The following SLC25A25 variants were observed in gnomAD, a reference collection of about 807,000 sequenced individuals.
SLC25A25 encodes the protein mitochondrial adenyl nucleotide antiporter SLC25A25.
A neutral mutation model predicts 57.7 loss-of-function variants in SLC25A25; 32 were observed. That is an observed-to-expected ratio of 0.55 (90% CI 0.42 to 0.74). The LOEUF (loss-of-function observed/expected upper bound fraction) is 0.74, where lower values mean the gene tolerates loss of function less well. Ranked by LOEUF, SLC25A25 falls within the 30% of genes least tolerant of loss-of-function variation. The pLI is 0.00. For missense variants in SLC25A25, 556 were observed against 701.3 expected, an observed-to-expected ratio of 0.79 and a Z score of 2.34; for synonymous variants, 306 against 291.2, an observed-to-expected ratio of 1.05 and a Z score of -0.52.
chr9:128,106,774 C>T (rs1188671674), intron 9 of SLC25A25, among the ~76,000 whole-genome samples: 1 of 152,176 alleles, frequency 6.6e-6, no homozygotes, highest in Non-Finnish European at 1.5e-5. Context: ...GGGTGGCCCC[C>T]AGGAGCTCAC....
intron 1 of SLC25A25, among the ~76,000 whole-genome samples, chr9:128,081,003 A>T (rs6478813): frequency 0.74 from 113,028 of 152,094 alleles, 43,813 homozygotes; most frequent in Non-Finnish European, 0.85. Context: ...TTCATTCACG[A>T]CTTGGGTGTA....
At chr9:128,079,792 A>C (rs991510778) in intron 1 of SLC25A25, among the ~76,000 whole-genome samples, 10 of 151,436 alleles carry the variant, frequency 6.6e-5, no homozygotes, top group Non-Finnish European at 1.3e-4. Flanking sequence ...AGAGATTGAG[A>C]CCATCCTGGC....
rs184330175 is a variant in SLC25A25 at position 128,094,995 on chromosome 9, G to A, written c.262-6101G>A. 3.5e-4 allele frequency among the ~76,000 whole-genome samples: 53 copies of A among 152,316 alleles called. No individual in the cohort carries two copies. In the East Asian group the frequency reaches 8.7e-3, roughly 25 times the overall value. ...GAATAATAAAGAGCAGCGAGGCATC[G>A]CACACAATGCGCGTTGTGCCCAGAT... On this transcript the variant is annotated intron_variant, in intron 1 of 10. Coordinates refer to ENST00000373069, the MANE Select transcript of SLC25A25 (RefSeq NM_001330988.2).
At chr9:128,070,084 ATTTTTTTTTTT>A (rs71381724) in intron 1 of SLC25A25, among the ~76,000 whole-genome samples, 1 of 6,360 alleles carries the variant, frequency 1.6e-4, no homozygotes, top group Non-Finnish European at 3.8e-4. Flanking sequence ...CACCCAGCTA[ATTTTTTTTTTT>A]TTTTTTTTTT....
chr9:128,087,744 G>C (rs1054528286), intron 1 of SLC25A25, among the ~76,000 whole-genome samples: 2 of 151,974 alleles, frequency 1.3e-5, no homozygotes, highest in African/African-American at 4.8e-5. Context: ...TGTTTCCTCT[G>C]TGTTTTATTT....
chr9:128,074,635 G>A (rs571838086), intron 1 of SLC25A25, among the ~76,000 whole-genome samples: 1 of 152,226 alleles, frequency 6.6e-6, no homozygotes. Flanking sequence ...CTTGATCCCA[G>A]GAGACGGAGG....
chr9:128,070,970 A>AAAAGAAAG (rs1554730811), intron 1 of SLC25A25, among the ~76,000 whole-genome samples: 1 of 64,208 alleles, frequency 1.6e-5, no homozygotes, highest in African/African-American at 3.3e-5. Flanking sequence ...AAAAAAAAAA[A>AAAAGAAAG]AAAGAAAGAA....
At position 128,102,769 on chromosome 9, in the gene SLC25A25, A is replaced by G. The variant is rs545914186; in HGVS notation, c.624+288A>G. On this transcript the variant is annotated intron_variant, in intron 5 of 10. Transcript: ENST00000373069. This position sits in a 1 kb window ranked among gnomAD's most constrained non-coding sequence, Gnocchi z 4.1. ...TCCCTGCTCCTCATGGGCCACTTCA[A>G]ATACCCCTTCCCATGATGCTGTCTG... is the stretch of plus-strand genomic sequence containing the variant. 6.6e-6 allele frequency among the ~76,000 whole-genome samples: 1 copy of G among 152,146 alleles called. No individual in the cohort carries two copies. Among genetic ancestry groups the G allele is most frequent in the East Asian group, 1.9e-4 (1 of 5,166 alleles).
rs768428546 is a variant in SLC25A25, at chr9:128,101,051, G to T, written c.262-45G>T. 1.9e-6 allele frequency: 3 copies of T among 1,612,200 alleles called. No homozygotes were observed. In the South Asian group the frequency reaches 3.3e-5, roughly 18 times the overall value. On this transcript the variant is annotated intron_variant, in intron 1 of 10. Transcript: ENST00000373069. This position sits in a 1 kb window ranked among gnomAD's most constrained non-coding sequence, Gnocchi z 4.9. ...GGGGCCCCACAAGGGACAAGGAAAG[G>T]CTGGTCCAGGAGCCAAAAGACAAAA...
intron 6 of SLC25A25, among the ~76,000 whole-genome samples, chr9:128,105,158 C>CTTTTTT (rs11351573): frequency 3.4e-5 from 1 of 29,134 alleles, no homozygotes; most frequent in African/African-American, 1.6e-4. Context: ...CACTCCCGGC[C>CTTTTTT]TTTTTTTTTT....
chr9:128,108,590 T>G lies in SLC25A25; in HGVS notation c.*1146T>G, dbSNP rs1213516441. On this transcript the variant is annotated 3_prime_UTR_variant, in exon 11 of 11. Transcript: ENST00000373069. Reference sequence around the variant, plus strand: ...TTGTTTAATTAATAGCTTGTCATTTTCAAGTTCATTTTTTATTCATATTTA... The same window carrying G: ...TTGTTTAATTAATAGCTTGTCATTTGCAAGTTCATTTTTTATTCATATTTA... The G allele has an allele frequency of 4.8e-6, 1 of 207,026 alleles. No individual in the cohort carries two copies. Among genetic ancestry groups the G allele is most frequent in the East Asian group, 1.1e-4 (1 of 9,344 alleles). 12.8% of individuals were successfully genotyped at this position (207,026 alleles called of 1,614,324 possible). A position where few individuals can be genotyped will look rare whatever the true frequency, so the allele number is the denominator to read the frequency against.
chr9:128,080,406 A>C (rs1204007163), intron 1 of SLC25A25, among the ~76,000 whole-genome samples: 1 of 147,000 alleles, frequency 6.8e-6, no homozygotes, highest in East Asian at 2.0e-4. Flanking sequence ...TTATCTGTAG[A>C]GTAGATAGGA....
intron 6 of SLC25A25, 24 bp from the exon 7 acceptor site, chr9:128,105,705 T>C (rs1833998315): frequency 6.2e-7 from 1 of 1,611,884 alleles, no homozygotes; most frequent in African/African-American, 1.3e-5. Context: ...CGGGTCCGTC[T>C]GACTGTTCGG....
chr9:128,088,204 G>A (rs1376345442), intron 1 of SLC25A25, among the ~76,000 whole-genome samples: 2 of 152,140 alleles, frequency 1.3e-5, no homozygotes, highest in African/African-American at 4.8e-5. Flanking sequence ...TTTAGCCTAG[G>A]GCTGGCTTTG....
rs374742174 is a variant in SLC25A25, at chr9:128,106,984, A to T, written c.1213-45A>T. On this transcript the variant is annotated intron_variant, in intron 9 of 10. Transcript: ENST00000373069. The stretch of plus-strand genomic sequence containing the variant: ...TAACAGCCCCGTCTCTTGCTGCCTC[A>T]CTAGCCCTTCCTAGGGCTTATCCCA... The T allele has an allele frequency of 3.1e-6, 5 of 1,590,084 alleles. No homozygotes were observed. The African/African-American group carries it at 5.4e-5, about 17-fold the overall frequency.
Position 128,108,238 on chromosome 9 carries a change from C to T in SLC25A25, c.*794C>T, listed in dbSNP as rs1834131129. The T allele has an allele frequency of 2.5e-6, 1 of 399,112 alleles. No homozygotes were observed. Among genetic ancestry groups the T allele is most frequent in the African/African-American group, 2.1e-5 (1 of 48,628 alleles). The allele number at this position is 399,112 out of a possible 1,614,324, so 24.7% of individuals were successfully genotyped here. ...CTGTGGCATGAGGGCAGTGGAGCAC[C>T]ATGTTTGAGGGCGAAGGGCAGAGCG... On this transcript the variant is annotated 3_prime_UTR_variant, in exon 11 of 11. Transcript: ENST00000373069.
rs1326396815 is a variant in SLC25A25 at position 128,093,550 on chromosome 9, A to ACCCACACCTTTTACTGGCTGATC, written c.262-7541_262-7519dup. Among the ~76,000 whole-genome samples the ACCCACACCTTTTACTGGCTGATC allele has an allele frequency of 3.9e-5, 6 of 152,282 alleles. No individual in the cohort carries two copies. The East Asian group carries it at 9.6e-4, about 24-fold the overall frequency. On this transcript the variant is annotated intron_variant, in intron 1 of 10. Transcript: ENST00000373069. ...AGTTCCTGGCCTGCAGAATCAAGAGACCCACACCTTTTACTGGCTGATCCC... is the reference window on the plus strand; with the variant it reads ...AGTTCCTGGCCTGCAGAATCAAGAGACCCACACCTTTTACTGGCTGATCCCCACACCTTTTACTGGCTGATCCC...
intron 1 of SLC25A25, among the ~76,000 whole-genome samples, chr9:128,097,137 C>A (rs1216217400): frequency 6.6e-6 from 1 of 152,208 alleles, no homozygotes. Context: ...TTTTATCCAT[C>A]CCGGTAGTGG....
chr9:128,094,421 G>C (rs966262022), intron 1 of SLC25A25: 3 of 152,202 alleles, frequency 2.0e-5, no homozygotes, highest in African/African-American at 7.2e-5. Context: ...CGGAAGCACA[G>C]AGAATTTTGC....
Sources: gnomAD v4.1 joint callset for allele counts (sites outside exome capture counted in the v4.1 genomes callset) on GRCh38, gnomAD v4.1.1 for gene constraint, Gnocchi (gnomAD v3.1) non-coding constraint, MANE v1.5 for transcripts, NCBI Gene and HGNC (gene_info 2026-07-23, HGNC 2026-07-21) for gene names.